RAP1A: variants seen among roughly 807,000 people sequenced by gnomAD.
RAP1A encodes RAP1A, member of RAS oncogene family, also known as ras-related protein Rap-1A.
A neutral mutation model predicts 26.4 loss-of-function variants in RAP1A; 6 were observed. That is an observed-to-expected ratio of 0.23 (90% CI 0.12 to 0.45). The LOEUF (loss-of-function observed/expected upper bound fraction) is 0.45. Ranked by LOEUF, RAP1A falls within the 20% of genes least tolerant of loss-of-function variation. The pLI is 0.99. For missense variants in RAP1A, 121 were observed against 217.2 expected (o/e 0.56, Z 2.78); for synonymous variants, 73 against 79.4 (o/e 0.92, Z 0.43).
chr1:111,592,706 T>C (rs1030242266), intron 1 of RAP1A, among the ~76,000 whole-genome samples: 2 of 152,218 alleles, frequency 1.3e-5, no homozygotes, highest in African/African-American at 4.8e-5. Context: ...ATCAAAGCAC[T>C]GTTTCCTTCC....
chr1:111,688,822 G>GTTTTTTTTTTTTTTTTTTTTTTTTTGT (rs767753356), intron 1 of RAP1A, among the ~76,000 whole-genome samples: 1 of 90,056 alleles, frequency 1.1e-5, no homozygotes, highest in Non-Finnish European at 2.3e-5. Flanking sequence ...TTTTTTTTTT[G>GTTTTTTTTTTTTTTTTTTTTTTTTTGT]TTTTTTTTTT....
intron 1 of RAP1A, among the ~76,000 whole-genome samples, chr1:111,578,094 G>T (rs576949551): frequency 2.2e-4 from 33 of 152,288 alleles, no homozygotes; most frequent in Non-Finnish European, 3.5e-4. Flanking sequence ...TTTTAGTTTG[G>T]AGACTTAAAT....
At chr1:111,704,245 T>A (rs948855467) in intron 5 of RAP1A, 98 bp from the exon 6 acceptor site, 25 of 1,277,068 alleles carry the variant, frequency 2.0e-5, no homozygotes, top group Non-Finnish European at 2.7e-5. Context: ...TCCCAACTAA[T>A]GCATTTCAGT....
chr1:111,578,780 G>T (rs1016454473), intron 1 of RAP1A, among the ~76,000 whole-genome samples: 22 of 152,188 alleles, frequency 1.4e-4, no homozygotes, highest in African/African-American at 5.1e-4. Context: ...GTGGTTGTGG[G>T]CTCAGTCCCA....
chr1:111,573,794 A>G (rs1342146738), intron 1 of RAP1A, among the ~76,000 whole-genome samples: 1 of 151,498 alleles, frequency 6.6e-6, no homozygotes, highest in African/African-American at 2.4e-5. Flanking sequence ...TCCTTTGCCC[A>G]TTTTTTAATG....
Position 111,704,325 on chromosome 1 carries a change from G to T in RAP1A, c.325-18G>T, listed in dbSNP as rs370828571. The T allele has an allele frequency of 1.2e-6, 2 of 1,610,780 alleles. No individual in the cohort carries two copies. The highest frequency in any genetic ancestry group is 8.5e-7 in the Non-Finnish European group (1 of 1,178,202). On this transcript the variant is annotated intron_variant, in intron 5 of 7. Coordinates refer to ENST00000369709, the MANE Select transcript of RAP1A (RefSeq NM_002884.4). ...ATGAGTATGTTATTGTTCATTTTACGTTTTTTTCTTCCCACAGGTTCCAAT... is the reference window on the plus strand; with the variant it reads ...ATGAGTATGTTATTGTTCATTTTACTTTTTTTTCTTCCCACAGGTTCCAAT...
At chr1:111,588,871 G>C (rs1240164067) in intron 1 of RAP1A, among the ~76,000 whole-genome samples, 1 of 152,166 alleles carries the variant, frequency 6.6e-6, no homozygotes, top group Non-Finnish European at 1.5e-5. Flanking sequence ...AAAAATATTA[G>C]CATTAAATGA....
At chr1:111,588,778 A>T (rs1474040366) in intron 1 of RAP1A, among the ~76,000 whole-genome samples, 1 of 152,198 alleles carries the variant, frequency 6.6e-6, no homozygotes, top group Non-Finnish European at 1.5e-5. Flanking sequence ...CACCTCTATT[A>T]TCATTAATGA....
intron 1 of RAP1A, among the ~76,000 whole-genome samples, chr1:111,684,121 C>G (rs973315987): frequency 1.3e-5 from 2 of 152,150 alleles, no homozygotes; most frequent in Non-Finnish European, 2.9e-5. Context: ...CCCCTTCATG[C>G]TAAAAACTCT....
At chr1:111,592,847 C>T (rs1181386833) in intron 1 of RAP1A, among the ~76,000 whole-genome samples, 1 of 152,154 alleles carries the variant, frequency 6.6e-6, no homozygotes, top group Non-Finnish European at 1.5e-5. Context: ...CATTTCCTCT[C>T]TTCTCTGTTT....
chr1:111,607,495 T>C (rs1438725615), intron 1 of RAP1A, among the ~76,000 whole-genome samples: 4 of 152,352 alleles, frequency 2.6e-5, no homozygotes, highest in Non-Finnish European at 5.9e-5. Flanking sequence ...ACCGCCATTG[T>C]CATCATGGCC....
At position 111,716,613 on chromosome 1, in the gene RAP1A, C is replaced by A. The variant is rs942291473; in HGVS notation, c.*4212C>A. ...GGCCCAAGGTGTGACATACATTTCCCACTAATTGCTTCTCTCAAGAAGCAA... is the reference window on the plus strand; with the variant it reads ...GGCCCAAGGTGTGACATACATTTCCAACTAATTGCTTCTCTCAAGAAGCAA... On this transcript the variant is annotated 3_prime_UTR_variant, in exon 8 of 8. Coordinates refer to ENST00000369709, the MANE Select transcript of RAP1A (RefSeq NM_002884.4). The A allele has an allele frequency of 6.6e-6, 1 of 152,196 alleles. No individual in the cohort carries two copies. Among genetic ancestry groups the A allele is most frequent in the Non-Finnish European group, 1.5e-5 (1 of 68,034 alleles). 9.4% of individuals were successfully genotyped at this position (152,196 alleles called of 1,614,324 possible).
At chr1:111,661,538 T>C (rs1474056110) in intron 1 of RAP1A, among the ~76,000 whole-genome samples, 8 of 152,256 alleles carry the variant, frequency 5.3e-5, no homozygotes, top group Non-Finnish European at 7.4e-5. Flanking sequence ...CAGTGGCTCA[T>C]GCCTGTAATC....
chr1:111,548,706 T>C (rs1037990092), intron 1 of RAP1A, among the ~76,000 whole-genome samples: 3 of 152,244 alleles, frequency 2.0e-5, no homozygotes, highest in African/African-American at 7.2e-5. Flanking sequence ...AGGCTTCATA[T>C]TCAATATCAT....
chr1:111,623,853 G>A (rs1659303357), intron 1 of RAP1A, among the ~76,000 whole-genome samples: 1 of 149,256 alleles, frequency 6.7e-6, no homozygotes, highest in South Asian at 2.1e-4. Flanking sequence ...TAGGTGGGGA[G>A]CTTTGACATC....
At chr1:111,649,148 A>G in intron 1 of RAP1A, 2 of 568,410 alleles carry the variant, frequency 3.5e-6, no homozygotes, top group Non-Finnish European at 6.9e-6. Flanking sequence ...CATTGTCCAC[A>G]GTATTTAAGA....
At chr1:111,571,458 C>A (rs1453445832) in intron 1 of RAP1A, among the ~76,000 whole-genome samples, 1 of 152,198 alleles carries the variant, frequency 6.6e-6, no homozygotes, top group Non-Finnish European at 1.5e-5. Flanking sequence ...TCTAGGCGCT[C>A]CAACCTGAGT....
intron 1 of RAP1A, among the ~76,000 whole-genome samples, chr1:111,562,246 A>T (rs1462952487): frequency 1.3e-5 from 2 of 152,156 alleles, no homozygotes; most frequent in Admixed American, 1.3e-4. Context: ...CCACATCCAT[A>T]TCATTTTGTA....
At chr1:111,636,321 C>G (rs927027062) in intron 1 of RAP1A, among the ~76,000 whole-genome samples, 1 of 152,008 alleles carries the variant, frequency 6.6e-6, no homozygotes, top group African/African-American at 2.4e-5. Flanking sequence ...TAGATAAACT[C>G]TTGATTTTAG....
Sources: gnomAD v4.1 joint callset for allele counts (sites outside exome capture counted in the v4.1 genomes callset) on GRCh38, gnomAD v4.1.1 for gene constraint, MANE v1.5 for transcripts, NCBI Gene and HGNC (gene_info 2026-07-23, HGNC 2026-07-21) for gene names.